The following SLC4A5 variants were observed in gnomAD, a reference collection of about 807,000 sequenced individuals.
SLC4A5 encodes electrogenic sodium bicarbonate cotransporter 4.
SLC4A5 carries 96 observed loss-of-function variants against 120.4 expected under a neutral mutation model. That is an observed-to-expected ratio of 0.80 (90% CI 0.68 to 0.94). The LOEUF is 0.94. SLC4A5 is among the 40% of genes least tolerant of loss of function. SLC4A5 has a pLI of 0.00. For synonymous variants in SLC4A5, 550 were observed against 571.1 expected, an observed-to-expected ratio of 0.96 and a Z score of 0.53; for missense variants, 1,259 against 1,459.5, an observed-to-expected ratio of 0.86 and a Z score of 2.24.
At chr2:74,227,238 C>T in intron 26 of SLC4A5, 108 bp from the exon 27 acceptor site, 1 of 1,263,660 alleles carries the variant, frequency 7.9e-7, no homozygotes, top group Non-Finnish European at 1.1e-6. Context: ...GGGGAAGCCC[C>T]CTGCTCAGGC....
chr2:74,284,637 C>T (rs371968588), intron 8 of SLC4A5, among the ~76,000 whole-genome samples: 9 of 152,272 alleles, frequency 5.9e-5, no homozygotes, highest in East Asian at 5.8e-4. Context: ...CCCGCTGCCT[C>T]TTACCATAGC....
intron 22 of SLC4A5, 28 bp from the exon 23 acceptor site, chr2:74,233,591 C>A (rs1387553681): frequency 1.3e-6 from 2 of 1,588,248 alleles, no homozygotes; most frequent in Non-Finnish European, 1.7e-6. Flanking sequence ...GAGAGGGGCC[C>A]TTTCCTCTCT....
chr2:74,339,915 G>A (rs1673585910), intron 2 of SLC4A5, among the ~76,000 whole-genome samples: 2 of 152,184 alleles, frequency 1.3e-5, no homozygotes, highest in African/African-American at 4.8e-5. Context: ...AGGACATCAC[G>A]CTAAGTGAAA....
At chr2:74,226,171 T>G (rs966378800) in intron 27 of SLC4A5, among the ~76,000 whole-genome samples, 3 of 152,152 alleles carry the variant, frequency 2.0e-5, no homozygotes, top group African/African-American at 7.2e-5. Context: ...CTGGGTTGAT[T>G]TTCATGGGCA....
intron 6 of SLC4A5, chr2:74,307,654 C>G (rs1672686969): frequency 1.3e-5 from 13 of 1,004,624 alleles, no homozygotes; most frequent in Non-Finnish European, 2.0e-5. Flanking sequence ...ACCTGGGGTC[C>G]CTTCTTCTCC....
At chr2:74,261,992 G>T in intron 11 of SLC4A5, 145 bp downstream of exon 11, 1 of 652,890 alleles carries the variant, frequency 1.5e-6, no homozygotes, top group Non-Finnish European at 2.6e-6. Context: ...TGGGTTTAGA[G>T]TGAAAGTTAG....
At chr2:74,263,220 G>A (rs1010449267) in intron 10 of SLC4A5, among the ~76,000 whole-genome samples, 33 of 152,174 alleles carry the variant, frequency 2.2e-4, no homozygotes, top group African/African-American at 7.0e-4. Flanking sequence ...TTTGTAAGGC[G>A]GGGTTTATGC....
chr2:74,235,755 G>T (rs1052864069), intron 21 of SLC4A5, among the ~76,000 whole-genome samples: 1 of 152,000 alleles, frequency 6.6e-6, no homozygotes, highest in Non-Finnish European at 1.5e-5. Context: ...CTCTTGTTCC[G>T]CTGTTTCTCA....
intron 14 of SLC4A5, among the ~76,000 whole-genome samples, chr2:74,253,715 A>T (rs74781938): frequency 0.033 from 4,961 of 152,314 alleles, 266 homozygotes; most frequent in African/African-American, 0.11. Context: ...TGCAATATAA[A>T]AATTATTCTT....
intron 4 of SLC4A5, among the ~76,000 whole-genome samples, chr2:74,333,781 C>A (rs1179328425): frequency 6.6e-6 from 1 of 152,212 alleles, no homozygotes; most frequent in Non-Finnish European, 1.5e-5. Context: ...GATTCCCTTC[C>A]ATCTCCTGGC....
intron 10 of SLC4A5, among the ~76,000 whole-genome samples, chr2:74,262,492 G>A (rs966174298): frequency 6.6e-6 from 1 of 151,762 alleles, no homozygotes; most frequent in Non-Finnish European, 1.5e-5. Context: ...CTGAGGTCAG[G>A]AGTTTGAGAC....
At chr2:74,291,181 T>A (rs1486855242) in intron 7 of SLC4A5, among the ~76,000 whole-genome samples, 1 of 152,216 alleles carries the variant, frequency 6.6e-6, no homozygotes, top group Non-Finnish European at 1.5e-5. Context: ...AAGTGCCAAG[T>A]GTCACCACTC....
intron 4 of SLC4A5, among the ~76,000 whole-genome samples, chr2:74,329,550 C>T (rs1274347939): frequency 6.6e-6 from 1 of 152,046 alleles, no homozygotes; most frequent in Non-Finnish European, 1.5e-5. Flanking sequence ...GATAGTGCCA[C>T]TGCACTCCAG....
At chr2:74,271,081 C>T (rs1223250182) in intron 8 of SLC4A5, among the ~76,000 whole-genome samples, 2 of 152,174 alleles carry the variant, frequency 1.3e-5, no homozygotes, top group African/African-American at 4.8e-5. Flanking sequence ...AAATGCAGAT[C>T]CTCATTGAGC....
rs1210760941 is a variant in SLC4A5, at chr2:74,235,211, G to A, written c.2323C>T (p.Arg775Trp). Residue 775 changes from arginine (R) to tryptophan (W), a missense_variant, in exon 22 of 31, where the codon CGG becomes TGG. Transcript: ENST00000394019. Reference sequence around the variant, plus strand: ...ATGGAAAAGTCAGCCACCAGGGCCCGGACCTGCAGACAGGAGATGAGCAAG... The same window carrying A: ...ATGGAAAAGTCAGCCACCAGGGCCCAGACCTGCAGACAGGAGATGAGCAAG... 5.6e-6 allele frequency: 9 copies of A among 1,613,176 alleles called. No homozygotes were observed. The highest frequency in any genetic ancestry group is 1.7e-5 in the Admixed American group (1 of 59,924).
chr2:74,235,172 G>T (rs761758243), exon 22 of SLC4A5: 3 of 1,614,006 alleles, frequency 1.9e-6, no homozygotes, highest in Non-Finnish European at 2.5e-6. Context: ...CAGAACATCA[G>T]GATGGAGAAA....
intron 7 of SLC4A5, chr2:74,290,484 G>C (rs904252238): frequency 2.0e-6 from 2 of 985,420 alleles, no homozygotes; most frequent in Non-Finnish European, 2.4e-6. Context: ...GGTGGAGAGA[G>C]AGGCTATATG....
At position 74,239,459 on chromosome 2, in the gene SLC4A5, AG is replaced by A. The variant is rs755311272; in HGVS notation, c.2194del (p.Leu732CysfsTer26). 1.2e-6 allele frequency: 2 copies of A among 1,613,768 alleles called. No individual in the cohort carries two copies. The highest frequency in any genetic ancestry group is 2.2e-5 in the South Asian group (2 of 91,048). On this transcript the variant is annotated frameshift_variant, in exon 21 of 31. Transcript: ENST00000394019. LOFTEE classifies it high-confidence loss of function. ...GATAAACTTGCAGGAATTCCCAAGC[AG>A]GCGCCCGCCGTAGCTCAGACACTCC... is the stretch of plus-strand genomic sequence containing the variant.
chr2:74,315,021 C>T, exon 6 of SLC4A5: 1 of 1,613,272 alleles, frequency 6.2e-7, no homozygotes, highest in Non-Finnish European at 8.5e-7. Context: ...CCTTCACCTT[C>T]ATGACTATAA....
Sources: gnomAD v4.1 joint callset for allele counts (sites outside exome capture counted in the v4.1 genomes callset) on GRCh38, gnomAD v4.1.1 for gene constraint, MANE v1.5 for transcripts, NCBI Gene and HGNC (gene_info 2026-07-23, HGNC 2026-07-21) for gene names.